Variants in GPC4 observed in about 807,000 individuals in gnomAD.
The protein encoded by GPC4 is glypican-4.
A neutral mutation model predicts 35.0 loss-of-function variants in GPC4; 10 were observed. The ratio of observed to expected loss-of-function variants is 0.29; its 90% confidence interval spans 0.18 to 0.48. The LOEUF (loss-of-function observed/expected upper bound fraction) is 0.48, where lower values mean the gene tolerates loss of function less well. Ranked by LOEUF, GPC4 falls within the 20% of genes least tolerant of loss-of-function variation. GPC4 has a pLI of 0.99. For synonymous variants in GPC4, 167 were observed against 170.2 expected, an observed-to-expected ratio of 0.98 and a Z score of 0.15; for missense variants, 322 against 451.3, an observed-to-expected ratio of 0.71 and a Z score of 2.60.
intron 1 of GPC4, among the ~76,000 whole-genome samples, chrX:133,410,050 T>A (rs186524688): frequency 9.0e-6 from 1 of 111,687 alleles, no homozygotes; most frequent in East Asian, 2.8e-4. Flanking sequence ...AAATACAATT[T>A]ATATTCCTTC....
intron 1 of GPC4, among the ~76,000 whole-genome samples, chrX:133,400,242 T>C (rs1482470934): frequency 1.8e-5 from 2 of 112,031 alleles, no homozygotes; most frequent in Admixed American, 1.9e-4. Context: ...CATCTCAGGA[T>C]CCACTGCCAG....
At chrX:133,413,796 A>C (rs1367286646) in intron 1 of GPC4, among the ~76,000 whole-genome samples, 2 of 111,999 alleles carry the variant, frequency 1.8e-5, no homozygotes, top group Non-Finnish European at 3.8e-5. Flanking sequence ...TGCGACCCGG[A>C]GGGGACCCGG....
intron 3 of GPC4, among the ~76,000 whole-genome samples, chrX:133,317,744 C>T (rs2068345461): frequency 9.0e-6 from 1 of 111,724 alleles, no homozygotes; most frequent in Non-Finnish European, 1.9e-5. Context: ...CAAAAGCACC[C>T]AATAGAAATA....
In GPC4 at chrX:133,317,483, GA is replaced by G. The variant is rs397895990; in HGVS notation, c.712-6061del. Among the ~76,000 whole-genome samples, 56 of 106,108 alleles carry G rather than the reference GA, an allele frequency of 5.3e-4. 1 individual carries two copies. The highest frequency in any genetic ancestry group is 1.7e-3 in the African/African-American group (49 of 29,400). The allele number at this position is 106,108 out of a possible 115,157, so 92.1% of individuals were successfully genotyped here. On this transcript the variant is annotated intron_variant, in intron 3 of 8. Transcript: ENST00000370828. Reference sequence around the variant, plus strand: ...CATTAAAAACTACTGCAAGCAGCCTGAAAAAAAAAATGCTGGAACAGAACTC... The same window carrying G: ...CATTAAAAACTACTGCAAGCAGCCTGAAAAAAAAATGCTGGAACAGAACTC...
At chrX:133,317,404 C>A (rs899462615) in intron 3 of GPC4, among the ~76,000 whole-genome samples, 5 of 111,014 alleles carry the variant, frequency 4.5e-5, no homozygotes, top group African/African-American at 1.6e-4. Flanking sequence ...TGCAAAGACT[C>A]TTTTCATATA....
chrX:133,407,884 T>C lies in GPC4; in HGVS notation c.160+6922A>G, dbSNP rs913414250. ...GTCTTTTTGATGTCTGGCACACATT[T>C]ATCTGGGCTTCCAATAAGATGTTTT... On this transcript the variant is annotated intron_variant, in intron 1 of 8. Transcript: ENST00000370828. 3.5e-5 allele frequency among the ~76,000 whole-genome samples: 4 copies of C among 112,818 alleles called. No individual in the cohort carries two copies. The East Asian group carries it at 8.3e-4, about 24-fold the overall frequency.
At chrX:133,412,188 T>C (rs1923991729) in intron 1 of GPC4, among the ~76,000 whole-genome samples, 1 of 111,732 alleles carries the variant, frequency 8.9e-6, no homozygotes, top group Non-Finnish European at 1.9e-5. Flanking sequence ...TGAATACAAG[T>C]CACTATATTG....
At chrX:133,359,203 T>C (rs1355235583) in intron 1 of GPC4, among the ~76,000 whole-genome samples, 1 of 111,545 alleles carries the variant, frequency 9.0e-6, no homozygotes, top group African/African-American at 3.3e-5. Flanking sequence ...GTTTTTGCTA[T>C]ATTAGAGTAA....
At chrX:133,326,432 G>C (rs1367909670) in intron 2 of GPC4, among the ~76,000 whole-genome samples, 1 of 111,797 alleles carries the variant, frequency 8.9e-6, no homozygotes, top group African/African-American at 3.2e-5. Flanking sequence ...AGAAACCCTG[G>C]AGGGTCCCTT....
intron 1 of GPC4, among the ~76,000 whole-genome samples, chrX:133,377,424 C>T (rs1450169311): frequency 8.9e-6 from 1 of 112,165 alleles, no homozygotes; most frequent in Non-Finnish European, 1.9e-5. Flanking sequence ...TGTCCCATTA[C>T]ATTGTCCTAT....
intron 2 of GPC4, among the ~76,000 whole-genome samples, chrX:133,330,509 C>A (rs2068414414): frequency 9.0e-6 from 1 of 110,734 alleles, no homozygotes; most frequent in Non-Finnish European, 1.9e-5. Flanking sequence ...ATAAAGTCTG[C>A]ATATGTTTTT....
At chrX:133,361,805 C>T (rs780602010) in intron 1 of GPC4, among the ~76,000 whole-genome samples, 7 of 111,002 alleles carry the variant, frequency 6.3e-5, no homozygotes, top group South Asian at 3.8e-4. Flanking sequence ...TTAGAGTGCC[C>T]GAAAGCAAAA....
Position 133,305,810 on chromosome X carries a change from G to A in GPC4, c.1117C>T (p.Arg373Cys). The A allele has an allele frequency of 8.3e-7, 1 of 1,211,741 alleles. No individual in the cohort carries two copies. Among genetic ancestry groups the A allele is most frequent in the Non-Finnish European group, 1.1e-6 (1 of 895,516 alleles). Residue 373 changes from arginine to cysteine, a missense_variant, in exon 6 of 9, where the codon CGC becomes TGC. Around this residue, in one of 3 missense-constraint regions of GPC4, gnomAD observed 163 missense variants for 277.2 expected, o/e 0.59. Transcript: ENST00000370828. ...CTAGTGCCAGCTGCTGTGGTTGGGC[G>A]TTCCTCGGGGTGATGTGGTCTGAAG... The part of the protein sequence containing the change: ...ARFRPHHPEE[R>C]PTTAAGTSLD...
At chrX:133,383,406 T>C (rs978395470) in intron 1 of GPC4, among the ~76,000 whole-genome samples, 1 of 111,256 alleles carries the variant, frequency 9.0e-6, no homozygotes, top group Non-Finnish European at 1.9e-5. Flanking sequence ...GATGAGTGGT[T>C]GCCAGGAGTT....
intron 1 of GPC4, among the ~76,000 whole-genome samples, chrX:133,366,675 A>C (rs1453962698): frequency 9.0e-6 from 1 of 111,319 alleles, no homozygotes; most frequent in Admixed American, 9.6e-5. Flanking sequence ...AGGCAGGAGA[A>C]TAGGGTCTGG....
intron 1 of GPC4, among the ~76,000 whole-genome samples, chrX:133,389,606 C>T (rs1237224771): frequency 1.8e-5 from 2 of 111,206 alleles, no homozygotes; most frequent in Non-Finnish European, 3.8e-5. Context: ...AAGACAGTCC[C>T]GGCTGTTTTG....
chrX:133,365,173 T>C (rs775395180), intron 1 of GPC4, among the ~76,000 whole-genome samples: 4 of 112,211 alleles, frequency 3.6e-5, no homozygotes, highest in African/African-American at 6.5e-5. Context: ...TTTTTCTTAA[T>C]GTTTTATTTT....
chrX:133,363,941 A>G (rs1209910795), intron 1 of GPC4, among the ~76,000 whole-genome samples: 1 of 112,021 alleles, frequency 8.9e-6, no homozygotes, highest in Non-Finnish European at 1.9e-5. Context: ...GCATATTGTA[A>G]TCTTTCTGAA....
At chrX:133,339,614 T>G (rs1473077386) in intron 1 of GPC4, among the ~76,000 whole-genome samples, 2 of 112,101 alleles carry the variant, frequency 1.8e-5, no homozygotes, top group African/African-American at 6.5e-5. Context: ...AATATAATAT[T>G]CCATGTCAAC....
Sources: allele counts gnomAD v4.1 joint callset (sites outside exome capture counted in the v4.1 genomes callset), GRCh38; gene constraint gnomAD v4.1.1; regional missense constraint gnomAD v4.1.1; transcripts MANE v1.5; gene names NCBI Gene and HGNC (gene_info 2026-07-23, HGNC 2026-07-21).